Variants in SHCBP1 observed in about 807,000 individuals in gnomAD.
SHCBP1 encodes the protein SHC SH2 domain-binding protein 1.
A neutral mutation model predicts 75.1 loss-of-function variants in SHCBP1; 60 were observed. The observed-to-expected ratio is 0.80, with a 90% CI of 0.65 to 0.99. The LOEUF is 0.99. SHCBP1 is among the 50% of genes least tolerant of loss of function. The pLI is 0.00. For synonymous variants in SHCBP1, 290 were observed against 293.2 expected (o/e 0.99, Z 0.11); for missense variants, 709 against 809.4 (o/e 0.88, Z 1.50).
intron 5 of SHCBP1, among the ~76,000 whole-genome samples, chr16:46,606,441 C>G (rs1237208934): frequency 6.6e-6 from 1 of 152,214 alleles, no homozygotes; most frequent in African/African-American, 2.4e-5. Flanking sequence ...CACGATTCCT[C>G]CCTTATGCCA....
intron 4 of SHCBP1, 44 bp downstream of exon 4, chr16:46,615,902 A>G (rs1466343256): frequency 1.3e-6 from 2 of 1,595,824 alleles, no homozygotes; most frequent in East Asian, 4.5e-5. Context: ...ATTTCATCCA[A>G]AGTTTCTGGC....
intron 10 of SHCBP1, among the ~76,000 whole-genome samples, chr16:46,588,095 C>T (rs1056138955): frequency 6.6e-6 from 1 of 152,022 alleles, no homozygotes; most frequent in Non-Finnish European, 1.5e-5. Context: ...AATGAAGGCA[C>T]AAACAAAGAT....
chr16:46,608,401 C>CT lies in SHCBP1; in HGVS notation c.597-13dup, dbSNP rs1555519889. 1.9e-6 allele frequency: 3 copies of CT among 1,579,160 alleles called. No individual in the cohort carries two copies. The highest frequency in any genetic ancestry group is 2.6e-6 in the Non-Finnish European group (3 of 1,149,072). Reference sequence around the variant, plus strand: ...TTTGGTAGAAAAATCTGAAATGGAACTTAGTATCATTCAAATTCTATCACT... The same window carrying CT: ...TTTGGTAGAAAAATCTGAAATGGAACTTTAGTATCATTCAAATTCTATCACT... On this transcript the variant is annotated splice_polypyrimidine_tract_variant and intron_variant, in intron 4 of 12. Coordinates refer to ENST00000303383, the MANE Select transcript of SHCBP1 (RefSeq NM_024745.5).
chr16:46,589,171 T>C (rs1964999816), intron 10 of SHCBP1, among the ~76,000 whole-genome samples: 1 of 152,156 alleles, frequency 6.6e-6, no homozygotes, highest in South Asian at 2.1e-4. Context: ...GGGATGTATC[T>C]CAAAATAATA....
intron 1 of SHCBP1, among the ~76,000 whole-genome samples, 191 bp from the exon 2 acceptor site, chr16:46,618,563 TCAAA>T (rs1965538941): frequency 8.4e-6 from 1 of 119,416 alleles, no homozygotes; most frequent in South Asian, 6.0e-4. Flanking sequence ...AAATTCTACT[TCAAA>T]ACAATAAGCG....
At position 46,580,476 on chromosome 16, in the gene SHCBP1, A is replaced by G. The variant is rs1964853042; in HGVS notation, c.*1253T>C. 1 of 152,176 alleles carries G rather than the reference A, an allele frequency of 6.6e-6. No homozygotes were observed. The highest frequency in any genetic ancestry group is 2.1e-4 in the South Asian group (1 of 4,820). 9.4% of individuals were successfully genotyped at this position (152,176 alleles called of 1,614,324 possible). A position where few individuals can be genotyped will look rare whatever the true frequency, so the allele number is the denominator to read the frequency against. ...GCATGAAAACAGATACCAAAATACC[A>G]TGTATTCTTAAATGACCACATATGC... is the stretch of plus-strand genomic sequence containing the variant. On this transcript the variant is annotated 3_prime_UTR_variant, in exon 13 of 13. Coordinates refer to ENST00000303383, the MANE Select transcript of SHCBP1 (RefSeq NM_024745.5).
At chr16:46,614,066 G>C (rs778515930) in intron 4 of SHCBP1, among the ~76,000 whole-genome samples, 8 of 152,042 alleles carry the variant, frequency 5.3e-5, no homozygotes, top group Non-Finnish European at 1.0e-4. Flanking sequence ...ATCTTCAAAT[G>C]CTTCAATTGA....
At chr16:46,608,203 GT>G in intron 5 of SHCBP1, 93 bp downstream of exon 5, 1 of 337,542 alleles carries the variant, frequency 3.0e-6, no homozygotes. Flanking sequence ...GTGAGTGTGG[GT>G]GTGTGTGTGT....
chr16:46,612,986 C>A (rs1321427991), intron 4 of SHCBP1, among the ~76,000 whole-genome samples: 1 of 152,156 alleles, frequency 6.6e-6, no homozygotes, highest in African/African-American at 2.4e-5. Flanking sequence ...CTCTCTCTTG[C>A]GTCTTAACTG....
intron 9 of SHCBP1, among the ~76,000 whole-genome samples, chr16:46,597,351 A>C (rs1423058465): frequency 2.0e-5 from 3 of 152,132 alleles, no homozygotes; most frequent in Non-Finnish European, 4.4e-5. Flanking sequence ...GGCTACAGAG[A>C]GCTATGATCA....
At chr16:46,593,502 A>G (rs1455972646) in intron 10 of SHCBP1, among the ~76,000 whole-genome samples, 1 of 152,172 alleles carries the variant, frequency 6.6e-6, no homozygotes, top group African/African-American at 2.4e-5. Context: ...AGACTGAAGC[A>G]GGAGGACTGC....
Position 46,582,029 on chromosome 16 carries a change from T to G in SHCBP1, c.1719A>C (p.Thr573=), listed in dbSNP as rs2142997049. ...TTTCAGCCACATCTGGCTCTCCACTTGTCTGAATTTTAAGCGCTTTATTTT... is the reference window on the plus strand; with the variant it reads ...TTTCAGCCACATCTGGCTCTCCACTGGTCTGAATTTTAAGCGCTTTATTTT... ...TEENKALKIQ[T]SGEPDVAERV... Residue 573 remains threonine, a synonymous_variant, in exon 13 of 13, where the codon ACA becomes ACC. Transcript: ENST00000303383. 3 of 1,606,850 alleles carry G rather than the reference T, an allele frequency of 1.9e-6. No homozygotes were observed. The highest frequency in any genetic ancestry group is 1.7e-4 in the Middle Eastern group (1 of 6,020).
In SHCBP1 at chr16:46,592,951, C is replaced by CAAAAAAAAAAAAAAAAAAAAAAAAAA; in HGVS notation, c.1464+2600_1464+2601insTTTTTTTTTTTTTTTTTTTTTTTTTT. 1.4e-3 allele frequency among the ~76,000 whole-genome samples: 32 copies of CAAAAAAAAAAAAAAAAAAAAAAAAAA among 22,790 alleles called. 4 individuals carry two copies. Among genetic ancestry groups the CAAAAAAAAAAAAAAAAAAAAAAAAAA allele is most frequent in the African/African-American group, 1.6e-3 (12 of 7,452 alleles). 15.0% of individuals were successfully genotyped at this position (22,790 alleles called of 152,430 possible). ...AACATCCACTTATGATAAAAATTCTCAAAAAAAAAAAAAAAAAAAAAAAAA... is the reference window on the plus strand; with the variant it reads ...AACATCCACTTATGATAAAAATTCTCAAAAAAAAAAAAAAAAAAAAAAAAAAAAAAAAAAAAAAAAAAAAAAAAAAA... On this transcript the variant is annotated intron_variant, in intron 10 of 12. Coordinates refer to ENST00000303383, the MANE Select transcript of SHCBP1 (RefSeq NM_024745.5).
chr16:46,601,765 T>C (rs1965240551), intron 8 of SHCBP1, among the ~76,000 whole-genome samples: 1 of 152,274 alleles, frequency 6.6e-6, no homozygotes. Flanking sequence ...ACAAAAAGAA[T>C]TGCATATTGA....
At position 46,616,598 on chromosome 16, in the gene SHCBP1, C is replaced by G. The variant is rs1965503710; in HGVS notation, c.388-444G>C. On this transcript the variant is annotated intron_variant, in intron 3 of 12. Coordinates refer to ENST00000303383, the MANE Select transcript of SHCBP1 (RefSeq NM_024745.5). The surrounding 1 kb of genome is among the most constrained non-coding windows in gnomAD (Gnocchi z 4.4). ...AGGAGGGGGGCGGTGTGCAGTGGAG[C>G]AGCAAGATATGAGGTGAGAAAGAGA... is the stretch of plus-strand genomic sequence containing the variant. 6.6e-6 allele frequency among the ~76,000 whole-genome samples: 1 copy of G among 151,946 alleles called. No individual in the cohort carries two copies. Among genetic ancestry groups the G allele is most frequent in the Non-Finnish European group, 1.5e-5 (1 of 68,008 alleles).
intron 4 of SHCBP1, among the ~76,000 whole-genome samples, chr16:46,609,303 G>A (rs778224557): frequency 6.6e-6 from 1 of 151,928 alleles, no homozygotes; most frequent in Non-Finnish European, 1.5e-5. Flanking sequence ...CTCCAGCCTG[G>A]GCAACACAGT....
chr16:46,603,214 A>AT (rs968887698), intron 8 of SHCBP1, among the ~76,000 whole-genome samples: 2 of 151,802 alleles, frequency 1.3e-5, no homozygotes, highest in Admixed American at 6.6e-5. Context: ...ATTGCTAGGA[A>AT]TTTTTTTTTA....
chr16:46,581,061 T>A lies in SHCBP1; in HGVS notation c.*668A>T, dbSNP rs1360214117. 1 of 152,300 alleles carries A rather than the reference T, an allele frequency of 6.6e-6. No homozygotes were observed. Among genetic ancestry groups the A allele is most frequent in the Non-Finnish European group, 1.5e-5 (1 of 68,088 alleles). 9.4% of individuals were successfully genotyped at this position (152,300 alleles called of 1,614,324 possible). A position where few individuals can be genotyped will look rare whatever the true frequency, so the allele number is the denominator to read the frequency against. On this transcript the variant is annotated 3_prime_UTR_variant, in exon 13 of 13. Transcript: ENST00000303383. ...ACCGCCTGGCCCGAAAAATACCTTG[T>A]TTTTAATCATTCCCATTCAGCAATA...
chr16:46,590,254 A>G (rs1016984403), intron 10 of SHCBP1, among the ~76,000 whole-genome samples: 3 of 152,068 alleles, frequency 2.0e-5, no homozygotes, highest in Non-Finnish European at 2.9e-5. Context: ...GGACATACGC[A>G]TGGCAGGACT....
Sources: gnomAD v4.1 joint callset for allele counts (sites outside exome capture counted in the v4.1 genomes callset) on GRCh38, gnomAD v4.1.1 for gene constraint, Gnocchi (gnomAD v3.1) non-coding constraint, MANE v1.5 for transcripts, NCBI Gene and HGNC (gene_info 2026-07-23, HGNC 2026-07-21) for gene names.